The following TMPRSS11E variants were observed in gnomAD, a reference collection of about 807,000 sequenced individuals.
TMPRSS11E encodes transmembrane serine protease 11E.
Under a neutral mutation model 48.1 loss-of-function variants are expected in TMPRSS11E, and 38 were observed. That is an observed-to-expected ratio of 0.79 (90% CI 0.61 to 1.04). TMPRSS11E has a LOEUF of 1.04. TMPRSS11E is among the 50% of genes least tolerant of loss of function. TMPRSS11E has a pLI of 0.00. For missense variants in TMPRSS11E, 530 were observed against 510.8 expected, an observed-to-expected ratio of 1.04 and a Z score of -0.36; for synonymous variants, 158 against 171.9, an observed-to-expected ratio of 0.92 and a Z score of 0.63.
chr4:68,460,511 C>T (rs1728759672), intron 1 of TMPRSS11E, among the ~76,000 whole-genome samples: 1 of 152,112 alleles, frequency 6.6e-6, no homozygotes, highest in African/African-American at 2.4e-5. Flanking sequence ...AATGAAAGGG[C>T]TGCACTTAGA....
At position 68,466,751 on chromosome 4, in the gene TMPRSS11E, TG is replaced by T. The variant is rs1317310778; in HGVS notation, c.258+1del. The T allele has an allele frequency of 1.2e-6, 2 of 1,613,484 alleles. No individual in the cohort carries two copies. The highest frequency in any genetic ancestry group is 2.2e-5 in the East Asian group (1 of 44,852). On this transcript the variant is annotated frameshift_variant and splice_region_variant, in exon 3 of 10. Coordinates refer to ENST00000305363, the MANE Select transcript of TMPRSS11E (RefSeq NM_014058.4). LOFTEE classifies it high-confidence loss of function. Reference protein sequence around the residue: ...FTEMSQRLESMVKNAFYKSPL... With the variant: ...FTEMSQRLESXVKNAFYKSPL... ...GAAATGAGCCAGAGACTTGAATCAA[TG>T]GTAAGCAACTTGTCATCTACTTCTA...
chr4:68,473,584 T>C (rs1197126957), intron 5 of TMPRSS11E, among the ~76,000 whole-genome samples: 1 of 152,138 alleles, frequency 6.6e-6, no homozygotes, highest in Non-Finnish European at 1.5e-5. Context: ...CTATTGAACT[T>C]CATTTTCAAA....
At position 68,496,944 on chromosome 4, in the gene TMPRSS11E, G is replaced by A. The variant is rs1472578499; in HGVS notation, c.*140G>A. 10 of 859,522 alleles carry A rather than the reference G, an allele frequency of 1.2e-5. No homozygotes were observed. The highest frequency in any genetic ancestry group is 1.7e-5 in the Non-Finnish European group (9 of 544,898). 53.2% of individuals were successfully genotyped at this position (859,522 alleles called of 1,614,324 possible). A position where few individuals can be genotyped will look rare whatever the true frequency, so the allele number is the denominator to read the frequency against. On this transcript the variant is annotated 3_prime_UTR_variant, in exon 10 of 10. Coordinates refer to ENST00000305363, the MANE Select transcript of TMPRSS11E (RefSeq NM_014058.4). ...TCAATAAACTGTTTGCTTGATGCAT[G>A]TATTTTCTTCCCAGCTCTGTTCCGC...
At chr4:68,491,884 C>T (rs1223098642) in intron 9 of TMPRSS11E, among the ~76,000 whole-genome samples, 1 of 151,998 alleles carries the variant, frequency 6.6e-6, no homozygotes, top group African/African-American at 2.4e-5. Context: ...TCTGTATTGC[C>T]TTCATTTGCT....
Position 68,477,635 on chromosome 4 carries a change from A to G in TMPRSS11E, c.967+7A>G, listed in dbSNP as rs1026341. 0.67 allele frequency: 1,070,577 copies of G among 1,609,146 alleles called. 358,725 individuals carry two copies. The highest frequency in any genetic ancestry group is 0.85 in the East Asian group (38,141 of 44,790). ...GGAGCACTGAAAAATGATGGTGAGC[A>G]TCGGAAGAGGAACTCAAGTAAAAGT... On this transcript the variant is annotated splice_region_variant and intron_variant, in intron 8 of 9. Coordinates refer to ENST00000305363, the MANE Select transcript of TMPRSS11E (RefSeq NM_014058.4).
In TMPRSS11E at chr4:68,476,579, G is replaced by C. The variant is rs527806215; in HGVS notation, c.707+141G>C. ...TATATCACAAAAGACTGGATCATTT[G>C]TAAACATTAGTAAGAGGTTTTAAAG... On this transcript the variant is annotated intron_variant, in intron 7 of 9. Coordinates refer to ENST00000305363, the MANE Select transcript of TMPRSS11E (RefSeq NM_014058.4). The C allele has an allele frequency of 1.0e-5, 8 of 791,190 alleles. No individual in the cohort carries two copies. The Admixed American group carries it at 1.4e-4, about 14-fold the overall frequency. The allele number at this position is 791,190 out of a possible 1,614,324, so 49.0% of individuals were successfully genotyped here. A position where few individuals can be genotyped will look rare whatever the true frequency, so the allele number is the denominator to read the frequency against.
At chr4:68,458,142 G>T (rs539088141) in intron 1 of TMPRSS11E, among the ~76,000 whole-genome samples, 1 of 152,114 alleles carries the variant, frequency 6.6e-6, no homozygotes, top group South Asian at 2.1e-4. Flanking sequence ...GGCTTCTTCT[G>T]GTAAATTTTT....
At chr4:68,460,219 A>C (rs1315419281) in intron 1 of TMPRSS11E, among the ~76,000 whole-genome samples, 1 of 152,184 alleles carries the variant, frequency 6.6e-6, no homozygotes, top group Non-Finnish European at 1.5e-5. Flanking sequence ...TTCTATGCCA[A>C]TGCTCTTTAT....
chr4:68,457,427 G>A (rs1160115784), intron 1 of TMPRSS11E, among the ~76,000 whole-genome samples: 1 of 152,118 alleles, frequency 6.6e-6, no homozygotes, highest in Admixed American at 6.6e-5. Context: ...GGAGAAATAG[G>A]GACATTTTTA....
intron 3 of TMPRSS11E, 139 bp downstream of exon 3, chr4:68,466,891 A>G (rs1728942323): frequency 1.8e-6 from 2 of 1,086,492 alleles, no homozygotes; most frequent in Non-Finnish European, 2.7e-6. Context: ...AACCCAAGGA[A>G]TATAAAACAA....
At chr4:68,447,830 A>G (rs1728383148) in intron 1 of TMPRSS11E, among the ~76,000 whole-genome samples, 1 of 151,988 alleles carries the variant, frequency 6.6e-6, no homozygotes, top group Admixed American at 6.6e-5. Flanking sequence ...ATGTTTCAAG[A>G]AAGATATAAC....
intron 9 of TMPRSS11E, among the ~76,000 whole-genome samples, chr4:68,479,510 C>A (rs1578141955): frequency 6.7e-6 from 1 of 149,366 alleles, no homozygotes; most frequent in African/African-American, 2.4e-5. Context: ...TTTATATATA[C>A]ATACATAACA....
chr4:68,482,785 A>C lies in TMPRSS11E; in HGVS notation c.1110+3794A>C, dbSNP rs192563479. On this transcript the variant is annotated intron_variant, in intron 9 of 9. Coordinates refer to ENST00000305363, the MANE Select transcript of TMPRSS11E (RefSeq NM_014058.4). ...AGACTTCATCTTGGGGAAAAAAAAAAAGTCTGAAGTCCAAAGTCTCATCTG... is the reference window on the plus strand; with the variant it reads ...AGACTTCATCTTGGGGAAAAAAAAACAGTCTGAAGTCCAAAGTCTCATCTG... Among the ~76,000 whole-genome samples the C allele has an allele frequency of 3.9e-5, 6 of 152,050 alleles. No individual in the cohort carries two copies. In the East Asian group the frequency reaches 9.7e-4, roughly 25 times the overall value.
At chr4:68,468,605 C>A (rs1019465868) in intron 3 of TMPRSS11E, among the ~76,000 whole-genome samples, 1 of 151,992 alleles carries the variant, frequency 6.6e-6, no homozygotes, top group Admixed American at 6.6e-5. Context: ...ACAGCATGTT[C>A]ATTTTCTTTG....
chr4:68,488,607 C>T lies in TMPRSS11E; in HGVS notation c.1111-8036C>T, dbSNP rs184305405. ...AGGCTGGAGTGCAGTGGCAAGATAT[C>T]GGCTCACTGCAAGCTCCGCCTCCCG... is the stretch of plus-strand genomic sequence containing the variant. On this transcript the variant is annotated intron_variant, in intron 9 of 9. Coordinates refer to ENST00000305363, the MANE Select transcript of TMPRSS11E (RefSeq NM_014058.4). Among the ~76,000 whole-genome samples the T allele has an allele frequency of 2.1e-3, 325 of 152,182 alleles. 2 individuals carry two copies. The highest frequency in any genetic ancestry group is 3.8e-3 in the Non-Finnish European group (259 of 68,004).
chr4:68,463,555 G>A (rs186996101), intron 2 of TMPRSS11E, among the ~76,000 whole-genome samples: 51 of 152,222 alleles, frequency 3.4e-4, no homozygotes, highest in Middle Eastern at 3.4e-3. Context: ...TGCCTTCCTT[G>A]GCCTCCCAAA....
chr4:68,447,904 GA>G (rs1321488082), intron 1 of TMPRSS11E, among the ~76,000 whole-genome samples: 1 of 151,630 alleles, frequency 6.6e-6, no homozygotes, highest in Non-Finnish European at 1.5e-5. Flanking sequence ...AGGTGTACAT[GA>G]AAAAAAGTCT....
chr4:68,450,783 A>G (rs1262710096), intron 1 of TMPRSS11E, among the ~76,000 whole-genome samples: 1 of 151,936 alleles, frequency 6.6e-6, no homozygotes. Context: ...TCTTTTCTGC[A>G]CTGTTTCAAA....
Position 68,477,262 on chromosome 4 carries a change from T to C in TMPRSS11E, c.708-107T>C, listed in dbSNP as rs1729247743. 2.6e-6 allele frequency: 3 copies of C among 1,173,872 alleles called. No homozygotes were observed. In the South Asian group the frequency reaches 4.8e-5, roughly 19 times the overall value. The allele number at this position is 1,173,872 out of a possible 1,614,324, so 72.7% of individuals were successfully genotyped here. On this transcript the variant is annotated intron_variant, in intron 7 of 9. Coordinates refer to ENST00000305363, the MANE Select transcript of TMPRSS11E (RefSeq NM_014058.4). The stretch of plus-strand genomic sequence containing the variant: ...TGGAAAGAGTTCTATACATCAAAAC[T>C]ATAAAAAGAAAAAAAAATCTACACC...
Sources: allele counts gnomAD v4.1 joint callset (sites outside exome capture counted in the v4.1 genomes callset), GRCh38; gene constraint gnomAD v4.1.1; transcripts MANE v1.5; gene names NCBI Gene and HGNC (gene_info 2026-07-23, HGNC 2026-07-21).